SH3RF3: variants seen among roughly 807,000 people sequenced by gnomAD.
SH3RF3 encodes E3 ubiquitin-protein ligase SH3RF3.
A neutral mutation model predicts 66.3 loss-of-function variants in SH3RF3; 29 were observed. The observed-to-expected ratio is 0.44, with a 90% CI of 0.33 to 0.60. The LOEUF (loss-of-function observed/expected upper bound fraction) is 0.60, where lower values mean the gene tolerates loss of function less well. SH3RF3 is among the 20% of genes least tolerant of loss of function. The probability of loss-of-function intolerance (pLI) is 0.04; values close to 1 mark genes in which losing one functional copy is unlikely to be tolerated. For synonymous variants in SH3RF3, 583 were observed against 532.0 expected, an observed-to-expected ratio of 1.10 and a Z score of -1.32; for missense variants, 1,194 against 1,190.9, an observed-to-expected ratio of 1.00 and a Z score of -0.04.
At position 109,490,906 on chromosome 2, in the gene SH3RF3, G is replaced by T. The variant is rs140703944; in HGVS notation, c.2450G>T (p.Arg817Leu). The T allele has an allele frequency of 5.9e-6, 9 of 1,514,820 alleles. No homozygotes were observed. Among genetic ancestry groups the T allele is most frequent in the African/African-American group, 5.5e-5 (4 of 72,642 alleles). 93.8% of individuals were successfully genotyped at this position (1,514,820 alleles called of 1,614,324 possible). The change falls in exon 9 of 10, where the codon CGC (arginine) becomes CTC (leucine). Residue 817 changes from arginine (R) to leucine (L), a missense_variant. Coordinates refer to ENST00000309415, the MANE Select transcript of SH3RF3 (RefSeq NM_001099289.3). ...RQAPLSMAAI[R>L]PEPKLLPRER... ...GCTCCGCTGTCCATGGCTGCCATCCGCCCCGAGCCCAAGCTGTTGCCCAGA... is the reference window on the plus strand; with the variant it reads ...GCTCCGCTGTCCATGGCTGCCATCCTCCCCGAGCCCAAGCTGTTGCCCAGA...
chr2:109,249,535 C>CTT (rs1491271935), intron 1 of SH3RF3, among the ~76,000 whole-genome samples: 3 of 95,684 alleles, frequency 3.1e-5, no homozygotes, highest in African/African-American at 8.4e-5. Context: ...TTCTTTCTTT[C>CTT]CTTCCTTCCT....
chr2:109,139,625 T>C (rs1255164725), intron 1 of SH3RF3, among the ~76,000 whole-genome samples: 2 of 152,240 alleles, frequency 1.3e-5, no homozygotes, highest in African/African-American at 4.8e-5. Flanking sequence ...TTTGACAAAC[T>C]AAGCTTTGAC....
At chr2:109,272,885 C>G (rs1156445327) in intron 1 of SH3RF3, among the ~76,000 whole-genome samples, 2 of 152,192 alleles carry the variant, frequency 1.3e-5, no homozygotes, top group Non-Finnish European at 2.9e-5. Context: ...ACATCCCTGA[C>G]CCGGTTCCCT....
At chr2:109,226,595 T>C (rs1003655575) in intron 1 of SH3RF3, among the ~76,000 whole-genome samples, 3 of 152,260 alleles carry the variant, frequency 2.0e-5, no homozygotes, top group Non-Finnish European at 4.4e-5. Flanking sequence ...TAGCTTTTTC[T>C]CATTGCTTCT....
intron 1 of SH3RF3, among the ~76,000 whole-genome samples, chr2:109,299,453 C>A (rs886179381): frequency 6.6e-6 from 1 of 151,822 alleles, no homozygotes; most frequent in Non-Finnish European, 1.5e-5. Context: ...GATCTTAAGT[C>A]TGCCAGCCAC....
intron 1 of SH3RF3, among the ~76,000 whole-genome samples, chr2:109,304,464 G>A (rs540328728): frequency 1.1e-4 from 16 of 152,160 alleles, no homozygotes; most frequent in South Asian, 4.2e-4. Flanking sequence ...TCTGCTAGGG[G>A]TTCCTTGTTC....
At chr2:109,421,067 T>C (rs898882886) in intron 5 of SH3RF3, among the ~76,000 whole-genome samples, 5 of 152,178 alleles carry the variant, frequency 3.3e-5, no homozygotes, top group Non-Finnish European at 7.3e-5. Context: ...TGCTCCTAGC[T>C]CAGTTCTGGC....
chr2:109,215,088 G>C (rs553305477), intron 1 of SH3RF3, among the ~76,000 whole-genome samples: 1 of 152,218 alleles, frequency 6.6e-6, no homozygotes, highest in Non-Finnish European at 1.5e-5. Flanking sequence ...TAAACCTTCA[G>C]TGGGACGACT....
At chr2:109,238,209 A>T (rs991383936) in intron 1 of SH3RF3, among the ~76,000 whole-genome samples, 5 of 152,198 alleles carry the variant, frequency 3.3e-5, no homozygotes, top group Non-Finnish European at 7.3e-5. Context: ...TTAAAAAAAA[A>T]TAATAAAATA....
chr2:109,491,605 T>C (rs1168223925), intron 9 of SH3RF3, among the ~76,000 whole-genome samples: 9 of 152,008 alleles, frequency 5.9e-5, no homozygotes, highest in Admixed American at 1.3e-4. Context: ...GGTGCTTGGG[T>C]TTCACCTGGG....
intron 1 of SH3RF3, among the ~76,000 whole-genome samples, chr2:109,276,312 G>A (rs1489191582): frequency 6.6e-6 from 1 of 152,164 alleles, no homozygotes; most frequent in Non-Finnish European, 1.5e-5. Context: ...GATGGATATG[G>A]GATTTGTCCT....
intron 2 of SH3RF3, among the ~76,000 whole-genome samples, chr2:109,352,606 G>A (rs747348978): frequency 3.9e-5 from 6 of 152,212 alleles, no homozygotes; most frequent in Non-Finnish European, 5.9e-5. Flanking sequence ...GCTCCACGTC[G>A]TTCTCTCCCT....
chr2:109,160,623 T>C (rs6746506), intron 1 of SH3RF3, among the ~76,000 whole-genome samples: 39,512 of 152,032 alleles, frequency 0.26, 5,494 homozygotes, highest in East Asian at 0.45. Context: ...ATGGAAAAGC[T>C]ACATGAGGCC....
intron 1 of SH3RF3, among the ~76,000 whole-genome samples, chr2:109,173,695 T>G (rs778220095): frequency 6.6e-6 from 1 of 152,036 alleles, no homozygotes; most frequent in Non-Finnish European, 1.5e-5. Flanking sequence ...AGACAGTGAA[T>G]GTAAGATGGG....
chr2:109,186,394 G>T (rs1678187494), intron 1 of SH3RF3, among the ~76,000 whole-genome samples: 1 of 152,252 alleles, frequency 6.6e-6, no homozygotes. Flanking sequence ...AGCATTAAGA[G>T]GCGGAGCCTC....
At chr2:109,268,079 G>C (rs1189831618) in intron 1 of SH3RF3, among the ~76,000 whole-genome samples, 1 of 151,834 alleles carries the variant, frequency 6.6e-6, no homozygotes, top group Non-Finnish European at 1.5e-5. Flanking sequence ...ATCCCACCTG[G>C]AGCCCAGAGA....
rs117055352 is a variant in SH3RF3, at chr2:109,272,608, C to T, written c.574-75066C>T. Among the ~76,000 whole-genome samples, 6 of 152,346 alleles carry T rather than the reference C, an allele frequency of 3.9e-5. No homozygotes were observed. The East Asian group carries it at 7.7e-4, about 20-fold the overall frequency. On this transcript the variant is annotated intron_variant, in intron 1 of 9. Transcript: ENST00000309415. Reference sequence around the variant, plus strand: ...GTTCCTTTGGAGACCCTGCTGCAGGCGAGTGGTGAGCACATGCTTCCGCAC... The same window carrying T: ...GTTCCTTTGGAGACCCTGCTGCAGGTGAGTGGTGAGCACATGCTTCCGCAC...
intron 1 of SH3RF3, among the ~76,000 whole-genome samples, chr2:109,137,021 T>C (rs1676831050): frequency 6.6e-6 from 1 of 152,260 alleles, no homozygotes; most frequent in Non-Finnish European, 1.5e-5. Flanking sequence ...TACACTACAG[T>C]GGACACTGGG....
At chr2:109,205,033 C>A (rs911109224) in intron 1 of SH3RF3, among the ~76,000 whole-genome samples, 4 of 152,080 alleles carry the variant, frequency 2.6e-5, no homozygotes, top group Non-Finnish European at 5.9e-5. Context: ...CATAGTGATA[C>A]CCTGTCTCTA....
Sources: gnomAD v4.1 joint callset for allele counts (sites outside exome capture counted in the v4.1 genomes callset) on GRCh38, gnomAD v4.1.1 for gene constraint, MANE v1.5 for transcripts, NCBI Gene and HGNC (gene_info 2026-07-23, HGNC 2026-07-21) for gene names.